Variants in DAB1 observed in about 807,000 individuals in gnomAD.
DAB1 encodes the protein disabled homolog 1.
DAB1 carries 15 observed loss-of-function variants against 64.6 expected under a neutral mutation model. That is an observed-to-expected ratio of 0.23 (90% CI 0.16 to 0.36). DAB1 has a LOEUF of 0.36. Among genes scored for constraint, DAB1 ranks in the 10% least tolerant of loss-of-function variants. DAB1 has a pLI of 1.00. For missense variants in DAB1, 596 were observed against 706.7 expected (o/e 0.84, Z 1.78); for synonymous variants, 235 against 251.9 (o/e 0.93, Z 0.64).
chr1:57,556,231 G>A (rs928369218), intron 7 of DAB1, among the ~76,000 whole-genome samples: 2 of 152,092 alleles, frequency 1.3e-5, no homozygotes, highest in Non-Finnish European at 2.9e-5. Flanking sequence ...TTGTGCTGCT[G>A]TAAACATGTG....
chr1:57,567,125 T>C (rs1197503570), intron 7 of DAB1, among the ~76,000 whole-genome samples: 1 of 152,096 alleles, frequency 6.6e-6, no homozygotes, highest in Non-Finnish European at 1.5e-5. Flanking sequence ...GTTCAACATA[T>C]ACAAATCAAT....
At chr1:57,155,233 CT>C (rs1303265700) in intron 2 of DAB1, among the ~76,000 whole-genome samples, 1 of 152,162 alleles carries the variant, frequency 6.6e-6, no homozygotes, top group Non-Finnish European at 1.5e-5. Flanking sequence ...TACTTTCATT[CT>C]TCTGCATATG....
At chr1:58,016,266 A>T (rs1265804055) in intron 5 of DAB1, among the ~76,000 whole-genome samples, 2 of 152,178 alleles carry the variant, frequency 1.3e-5, no homozygotes, top group East Asian at 3.8e-4. Context: ...AGCTACAGAC[A>T]TTACATAATG....
intron 3 of DAB1, among the ~76,000 whole-genome samples, chr1:58,439,727 A>G (rs931301287): frequency 6.6e-6 from 1 of 152,232 alleles, no homozygotes; most frequent in Admixed American, 6.5e-5. Context: ...GTGACAGAGA[A>G]AGATTCAAAC....
intron 4 of DAB1, among the ~76,000 whole-genome samples, chr1:58,150,905 A>C (rs1450970485): frequency 6.6e-6 from 1 of 151,442 alleles, no homozygotes; most frequent in Non-Finnish European, 1.5e-5. Context: ...AAGAGTTCTC[A>C]TTGTTCAATT....
chr1:57,589,415 T>C (rs1326096041), intron 7 of DAB1, among the ~76,000 whole-genome samples: 1 of 152,098 alleles, frequency 6.6e-6, no homozygotes, highest in African/African-American at 2.4e-5. Context: ...GTAAATGATA[T>C]ATTTGATATA....
chr1:58,259,657 G>T (rs746931846), intron 4 of DAB1, among the ~76,000 whole-genome samples: 1 of 152,122 alleles, frequency 6.6e-6, no homozygotes, highest in Admixed American at 6.5e-5. Context: ...TAGCCCAGTC[G>T]ATGTGTGTGA....
At chr1:57,809,571 C>T (rs1651519650) in intron 6 of DAB1, among the ~76,000 whole-genome samples, 1 of 152,098 alleles carries the variant, frequency 6.6e-6, no homozygotes. Flanking sequence ...TTTTAGGGTT[C>T]TCGGTAATCC....
At chr1:57,435,830 T>C (rs1253036580) in intron 7 of DAB1, among the ~76,000 whole-genome samples, 2 of 152,042 alleles carry the variant, frequency 1.3e-5, no homozygotes, top group African/African-American at 2.4e-5. Context: ...ATAATAAATA[T>C]ATAGTCCAGA....
chr1:57,350,905 C>T (rs902244727), intron 1 of DAB1, among the ~76,000 whole-genome samples: 6 of 152,096 alleles, frequency 3.9e-5, no homozygotes, highest in Non-Finnish European at 5.9e-5. Flanking sequence ...ATACTGAGCA[C>T]GCAGTGTTAG....
intron 3 of DAB1, among the ~76,000 whole-genome samples, chr1:58,505,593 A>C (rs1645975374): frequency 6.6e-6 from 1 of 152,238 alleles, no homozygotes; most frequent in South Asian, 2.1e-4. Flanking sequence ...AAATAACCAG[A>C]AACAAACATG....
chr1:57,750,078 C>T (rs985531136), intron 6 of DAB1, among the ~76,000 whole-genome samples: 7 of 152,132 alleles, frequency 4.6e-5, no homozygotes, highest in Non-Finnish European at 1.0e-4. Context: ...CCTGTGCTGC[C>T]TACAGTCAAG....
chr1:57,180,691 A>G (rs1662823545), intron 2 of DAB1, among the ~76,000 whole-genome samples: 1 of 152,006 alleles, frequency 6.6e-6, no homozygotes, highest in Non-Finnish European at 1.5e-5. Context: ...ACAAACACAC[A>G]CACACACTTC....
chr1:57,513,594 C>T (rs1489907811), intron 7 of DAB1, among the ~76,000 whole-genome samples: 1 of 152,146 alleles, frequency 6.6e-6, no homozygotes, highest in Non-Finnish European at 1.5e-5. Flanking sequence ...TATATTTATG[C>T]TACACAACAT....
In DAB1 at chr1:58,446,005, T is replaced by C. The variant is rs1645061688; in HGVS notation, n.257+60055A>G. ...CATTCTGATTTGCCCAGGACTGTCTTTGTTTTAGAACTGAAAGTCACCCAT... is the reference window on the plus strand; with the variant it reads ...CATTCTGATTTGCCCAGGACTGTCTCTGTTTTAGAACTGAAAGTCACCCAT... On this transcript the variant is annotated intron_variant and non_coding_transcript_variant, in intron 3 of 20. Transcript: ENST00000485760. Among the ~76,000 whole-genome samples, 4 of 152,110 alleles carry C rather than the reference T, an allele frequency of 2.6e-5. No homozygotes were observed. The South Asian group carries it at 8.3e-4, about 32-fold the overall frequency.
chr1:58,511,298 A>G (rs1201421902), intron 2 of DAB1, among the ~76,000 whole-genome samples: 3 of 152,198 alleles, frequency 2.0e-5, no homozygotes, highest in Non-Finnish European at 2.9e-5. Flanking sequence ...GGAACAGAAG[A>G]GAGAGCCCAA....
At chr1:57,642,753 G>T (rs1474501085) in intron 7 of DAB1, among the ~76,000 whole-genome samples, 2 of 152,342 alleles carry the variant, frequency 1.3e-5, no homozygotes, top group African/African-American at 4.8e-5. Flanking sequence ...GGCAGGTGAG[G>T]TGTTATGAAC....
At chr1:57,969,603 T>A (rs1028094119) in intron 5 of DAB1, among the ~76,000 whole-genome samples, 1 of 152,208 alleles carries the variant, frequency 6.6e-6, no homozygotes, top group South Asian at 2.1e-4. Context: ...AGTATCCTCA[T>A]GCATCACAAA....
intron 7 of DAB1, among the ~76,000 whole-genome samples, chr1:57,535,520 A>G (rs1022663809): frequency 2.2e-5 from 3 of 138,726 alleles, no homozygotes; most frequent in African/African-American, 8.0e-5. Flanking sequence ...GCCAGACTGG[A>G]CTGCTGTGGC....
Sources: allele counts gnomAD v4.1 joint callset (sites outside exome capture counted in the v4.1 genomes callset), GRCh38; gene constraint gnomAD v4.1.1; transcripts MANE v1.5; gene names NCBI Gene and HGNC (gene_info 2026-07-23, HGNC 2026-07-21).